The following NXPH1 variants were observed in gnomAD, a reference collection of about 807,000 sequenced individuals.
NXPH1 encodes the protein neurexophilin 1.
In NXPH1, 5 loss-of-function variants were observed where a neutral mutation model predicts 23.7. That is an observed-to-expected ratio of 0.21 (90% CI 0.11 to 0.44). NXPH1 has a LOEUF of 0.44. Among genes scored for constraint, NXPH1 ranks in the 20% least tolerant of loss-of-function variants. The pLI, the probability that NXPH1 is intolerant of heterozygous loss-of-function variation, is 0.99. For missense variants in NXPH1, 324 were observed against 321.6 expected, an observed-to-expected ratio of 1.01 and a Z score of -0.06; for synonymous variants, 144 against 122.2, an observed-to-expected ratio of 1.18 and a Z score of -1.18.
intron 2 of NXPH1, among the ~76,000 whole-genome samples, chr7:8,592,725 G>T (rs572289069): frequency 6.6e-6 from 1 of 151,960 alleles, no homozygotes; most frequent in African/African-American, 2.4e-5. Context: ...AGCAGCTGTA[G>T]ATAATATGTT....
chr7:8,707,289 A>G (rs1324927069), intron 2 of NXPH1, among the ~76,000 whole-genome samples: 1 of 152,190 alleles, frequency 6.6e-6, no homozygotes, highest in Non-Finnish European at 1.5e-5. Flanking sequence ...TGGCCAAAAT[A>G]ATATTCAGTA....
intron 2 of NXPH1, 72 bp from the exon 3 acceptor site, chr7:8,750,936 G>T: frequency 1.4e-6 from 2 of 1,419,702 alleles, no homozygotes; most frequent in Non-Finnish European, 2.0e-6. Context: ...CTCAGAGAAG[G>T]CTTAGATCTA....
At chr7:8,544,471 C>CTCATA (rs1818170777) in intron 2 of NXPH1, among the ~76,000 whole-genome samples, 1 of 151,584 alleles carries the variant, frequency 6.6e-6, no homozygotes, top group African/African-American at 2.4e-5. Flanking sequence ...TCTTGAAAGA[C>CTCATA]TCATAAAGAA....
intron 2 of NXPH1, among the ~76,000 whole-genome samples, chr7:8,605,468 A>G (rs949306721): frequency 6.6e-6 from 1 of 152,142 alleles, no homozygotes; most frequent in African/African-American, 2.4e-5. Flanking sequence ...CACATATTCT[A>G]GGTACATTTA....
intron 2 of NXPH1, among the ~76,000 whole-genome samples, chr7:8,526,774 C>T (rs1415418566): frequency 1.3e-5 from 2 of 152,118 alleles, no homozygotes; most frequent in Non-Finnish European, 2.9e-5. Context: ...TGAGGCCTCC[C>T]CAGCCATGTG....
chr7:8,682,919 G>C (rs189869733), intron 2 of NXPH1, among the ~76,000 whole-genome samples: 1 of 152,334 alleles, frequency 6.6e-6, no homozygotes, highest in East Asian at 1.9e-4. Context: ...CCAGCACAAA[G>C]AGCCCTTGAT....
chr7:8,454,626 CT>C (rs1367348809), intron 2 of NXPH1, among the ~76,000 whole-genome samples: 1 of 152,118 alleles, frequency 6.6e-6, no homozygotes, highest in Non-Finnish European at 1.5e-5. Flanking sequence ...ATCTTTCCTC[CT>C]CTATGATATA....
At chr7:8,453,356 C>G (rs918306805) in intron 2 of NXPH1, among the ~76,000 whole-genome samples, 1 of 152,096 alleles carries the variant, frequency 6.6e-6, no homozygotes, top group African/African-American at 2.4e-5. Flanking sequence ...CCCACCCAAA[C>G]ATCAAACATG....
At chr7:8,561,505 C>G (rs1176375725) in intron 2 of NXPH1, among the ~76,000 whole-genome samples, 1 of 151,586 alleles carries the variant, frequency 6.6e-6, no homozygotes, top group Non-Finnish European at 1.5e-5. Context: ...TCAACTGCCA[C>G]CTGAGAGACG....
At chr7:8,735,864 G>A (rs1312803799) in intron 2 of NXPH1, among the ~76,000 whole-genome samples, 2 of 152,122 alleles carry the variant, frequency 1.3e-5, no homozygotes, top group East Asian at 1.9e-4. Context: ...TTAGTCTTGG[G>A]AGGGTGTATG....
intron 2 of NXPH1, among the ~76,000 whole-genome samples, chr7:8,546,640 C>T (rs1424906895): frequency 6.6e-6 from 1 of 151,300 alleles, no homozygotes; most frequent in East Asian, 2.0e-4. Flanking sequence ...GTTGCAGGAA[C>T]CTAAACACTG....
intron 2 of NXPH1, among the ~76,000 whole-genome samples, chr7:8,469,926 T>C (rs1181464399): frequency 6.6e-6 from 1 of 152,170 alleles, no homozygotes; most frequent in African/African-American, 2.4e-5. Context: ...TGGCTAATTA[T>C]TAGAAGAGCT....
chr7:8,671,496 C>T (rs1158497719), intron 2 of NXPH1, among the ~76,000 whole-genome samples: 2 of 152,144 alleles, frequency 1.3e-5, no homozygotes, highest in Non-Finnish European at 2.9e-5. Context: ...GAATGAGGTA[C>T]TATGGAAGGC....
At chr7:8,685,802 G>A (rs1212309705) in intron 2 of NXPH1, among the ~76,000 whole-genome samples, 1 of 147,710 alleles carries the variant, frequency 6.8e-6, no homozygotes, top group Non-Finnish European at 1.5e-5. Flanking sequence ...GCGGGGGGAA[G>A]TGGGGATGGT....
chr7:8,484,636 A>G (rs1817128382), intron 2 of NXPH1, among the ~76,000 whole-genome samples: 1 of 152,212 alleles, frequency 6.6e-6, no homozygotes, highest in Admixed American at 6.5e-5. Context: ...TTGTTTGAGT[A>G]AATGTCATAA....
intron 2 of NXPH1, among the ~76,000 whole-genome samples, chr7:8,469,320 T>C (rs1816832796): frequency 6.6e-6 from 1 of 152,064 alleles, no homozygotes; most frequent in Non-Finnish European, 1.5e-5. Flanking sequence ...TCTGTGATAA[T>C]AGTCACATGA....
chr7:8,520,734 T>C lies in NXPH1; in HGVS notation c.54+84967T>C, dbSNP rs535137498. The stretch of plus-strand genomic sequence containing the variant: ...AATGGGGATAACAGTGTTTCAGTTC[T>C]GAGCCTTCTTATCTAAGGTAGCTCA... On this transcript the variant is annotated intron_variant, in intron 2 of 2. Coordinates refer to ENST00000405863, the MANE Select transcript of NXPH1 (RefSeq NM_152745.3). 7.2e-5 allele frequency among the ~76,000 whole-genome samples: 11 copies of C among 152,300 alleles called. No homozygotes were observed. The South Asian group carries it at 2.3e-3, about 32-fold the overall frequency.
At chr7:8,556,728 G>T (rs575490004) in intron 2 of NXPH1, among the ~76,000 whole-genome samples, 1 of 151,818 alleles carries the variant, frequency 6.6e-6, no homozygotes, top group Non-Finnish European at 1.5e-5. Flanking sequence ...TATATATTGT[G>T]TTACTGATAA....
intron 2 of NXPH1, among the ~76,000 whole-genome samples, chr7:8,538,755 A>T (rs530647206): frequency 6.6e-6 from 1 of 151,926 alleles, no homozygotes; most frequent in Non-Finnish European, 1.5e-5. Context: ...AAATATATCA[A>T]TTCAAATGTT....
Sources: gnomAD v4.1 joint callset for allele counts (sites outside exome capture counted in the v4.1 genomes callset) on GRCh38, gnomAD v4.1.1 for gene constraint, MANE v1.5 for transcripts, NCBI Gene and HGNC (gene_info 2026-07-23, HGNC 2026-07-21) for gene names.